Variants in ZMIZ1 observed in about 807,000 individuals in gnomAD.
The protein encoded by ZMIZ1 is zinc finger MIZ domain-containing protein 1.
In ZMIZ1, 17 loss-of-function variants were observed where a neutral mutation model predicts 113.9. The observed-to-expected ratio is 0.15, with a 90% CI of 0.10 to 0.22. The LOEUF (loss-of-function observed/expected upper bound fraction) is 0.22, where lower values mean the gene tolerates loss of function less well. Ranked by LOEUF, ZMIZ1 falls within the 10% of genes least tolerant of loss-of-function variation. The probability of loss-of-function intolerance (pLI) is 1.00; values close to 1 mark genes in which losing one functional copy is unlikely to be tolerated. For synonymous variants in ZMIZ1, 607 were observed against 603.1 expected, an observed-to-expected ratio of 1.01 and a Z score of -0.09; for missense variants, 1,059 against 1,477.8, an observed-to-expected ratio of 0.72 and a Z score of 4.65.
chr10:79,080,695 C>G (rs1444361556), intron 1 of ZMIZ1, among the ~76,000 whole-genome samples: 1 of 152,176 alleles, frequency 6.6e-6, no homozygotes, highest in East Asian at 1.9e-4. Context: ...AAAGAATGGC[C>G]TTCTGATTCC....
At chr10:79,131,714 T>C (rs1844781093) in intron 2 of ZMIZ1, among the ~76,000 whole-genome samples, 1 of 151,856 alleles carries the variant, frequency 6.6e-6, no homozygotes, top group Admixed American at 6.6e-5. Flanking sequence ...TGCTGCCCCC[T>C]GAGTTGGGGC....
In ZMIZ1 at chr10:79,314,949, TC is replaced by T. The variant is rs1683169605; in HGVS notation, c.*2201del. The T allele has an allele frequency of 6.5e-6, 1 of 152,720 alleles. No homozygotes were observed. The highest frequency in any genetic ancestry group is 2.1e-4 in the South Asian group (1 of 4,838). The allele number at this position is 152,720 out of a possible 1,614,324, so 9.5% of individuals were successfully genotyped here. A position where few individuals can be genotyped will look rare whatever the true frequency, so the allele number is the denominator to read the frequency against. ...ACTTACAGATGCCTTCCTTAGGAGT[TC>T]TTGCTTCTTGCGTTGATACTTTGCC... On this transcript the variant is annotated 3_prime_UTR_variant, in exon 25 of 25. Transcript: ENST00000334512.
At chr10:79,130,453 A>G (rs1230814696) in intron 2 of ZMIZ1, among the ~76,000 whole-genome samples, 1 of 152,184 alleles carries the variant, frequency 6.6e-6, no homozygotes, top group African/African-American at 2.4e-5. Flanking sequence ...AGCTGCAGCC[A>G]GGTGCCAAAT....
chr10:79,197,587 C>T (rs117580116), intron 4 of ZMIZ1, among the ~76,000 whole-genome samples: 150 of 143,306 alleles, frequency 1.0e-3, no homozygotes, highest in African/African-American at 3.6e-3. Flanking sequence ...CCCTGCCAAC[C>T]CAGACCATAC....
At chr10:79,243,288 G>T (rs1433098455) in intron 7 of ZMIZ1, among the ~76,000 whole-genome samples, 1 of 150,360 alleles carries the variant, frequency 6.7e-6, no homozygotes, top group Non-Finnish European at 1.5e-5. Context: ...CGCGCCCCCG[G>T]CCCATCCCCG....
intron 1 of ZMIZ1, among the ~76,000 whole-genome samples, chr10:79,104,420 A>G (rs866688141): frequency 3.9e-5 from 6 of 152,180 alleles, no homozygotes; most frequent in Non-Finnish European, 8.8e-5. Context: ...CCAGATTACC[A>G]TATAAGCCAT....
chr10:79,297,498 G>A, intron 13 of ZMIZ1, 115 bp from the exon 14 acceptor site: 1 of 862,142 alleles, frequency 1.2e-6, no homozygotes, highest in South Asian at 1.4e-5. Context: ...ACCCAGCAGT[G>A]GATGGGCCCC....
chr10:79,216,975 A>G (rs1848757330), intron 7 of ZMIZ1, among the ~76,000 whole-genome samples: 1 of 152,180 alleles, frequency 6.6e-6, no homozygotes. Context: ...CCATCCTCAT[A>G]ACCTGGCTTA....
At chr10:79,137,316 A>G (rs1302722957) in intron 2 of ZMIZ1, among the ~76,000 whole-genome samples, 1 of 152,186 alleles carries the variant, frequency 6.6e-6, no homozygotes, top group African/African-American at 2.4e-5. Flanking sequence ...CACACCCCAG[A>G]TGGAGGGAGC....
chr10:79,166,929 G>T (rs1448950744), intron 4 of ZMIZ1, among the ~76,000 whole-genome samples: 2 of 152,208 alleles, frequency 1.3e-5, no homozygotes, highest in Admixed American at 1.3e-4. Context: ...CAAAGTCACC[G>T]CCATCTGGCC....
chr10:79,183,853 G>T (rs1013371926), intron 4 of ZMIZ1, among the ~76,000 whole-genome samples: 2 of 152,130 alleles, frequency 1.3e-5, no homozygotes, highest in African/African-American at 4.8e-5. Flanking sequence ...ACCAGTTAAG[G>T]GCTGGGTTTT....
chr10:79,252,181 C>T (rs1850590699), intron 7 of ZMIZ1, among the ~76,000 whole-genome samples: 1 of 151,928 alleles, frequency 6.6e-6, no homozygotes, highest in South Asian at 2.1e-4. Context: ...GAGGCAGGCT[C>T]CTGCAGGCTC....
At chr10:79,112,541 T>C (rs753746878) in intron 1 of ZMIZ1, among the ~76,000 whole-genome samples, 3 of 152,102 alleles carry the variant, frequency 2.0e-5, no homozygotes, top group Non-Finnish European at 2.9e-5. Flanking sequence ...CCCTGTAATA[T>C]CAGCATGGCT....
Position 79,300,905 on chromosome 10 carries a change from G to A in ZMIZ1, c.1982G>A (p.Arg661His), listed in dbSNP as rs772020195. ...CTGAAGCACGTGTGCCAGCCGGGCCGCAACACCATCCAGATCACCGTCACG... is the reference window on the plus strand; with the variant it reads ...CTGAAGCACGTGTGCCAGCCGGGCCACAACACCATCCAGATCACCGTCACG... The part of the protein sequence containing the change: ...LHLKHVCQPG[R>H]NTIQITVTAC... The change falls in exon 17 of 25, where the codon CGC becomes CAC. Residue 661 changes from arginine to histidine, a missense_variant. By Grantham distance (29) the Arg-to-His change is conservative. Around this residue, in one of 6 missense-constraint regions of ZMIZ1, gnomAD observed 217 missense variants for 426.9 expected, o/e 0.51. Coordinates refer to ENST00000334512, the MANE Select transcript of ZMIZ1 (RefSeq NM_020338.4). 4 of 1,612,276 alleles carry A rather than the reference G, an allele frequency of 2.5e-6. No homozygotes were observed. The highest frequency in any genetic ancestry group is 3.4e-6 in the Non-Finnish European group (4 of 1,179,962).
In ZMIZ1 at chr10:79,197,847, T is replaced by TCGAC. The variant is rs538455476; in HGVS notation, c.-49-3736_-49-3735insGACC. On this transcript the variant is annotated intron_variant, in intron 4 of 24. Transcript: ENST00000334512. ...CTCATAGGAGGAGCTCAGCACATGG[T>TCGAC]CATCTAGTAGGTAAATGTGGGCTTG... 3.0e-4 allele frequency among the ~76,000 whole-genome samples: 45 copies of TCGAC among 152,196 alleles called. 1 individual carries two copies. In the South Asian group the frequency reaches 9.3e-3, roughly 32 times the overall value.
chr10:79,106,776 C>T (rs1196807209), intron 1 of ZMIZ1, among the ~76,000 whole-genome samples: 1 of 152,198 alleles, frequency 6.6e-6, no homozygotes, highest in East Asian at 1.9e-4. Context: ...CAAGAATGAT[C>T]GACAAATGGG....
At position 79,070,029 on chromosome 10, in the gene ZMIZ1, A is replaced by G. The variant is rs1297804123; in HGVS notation, c.-337+759A>G. 4.0e-5 allele frequency among the ~76,000 whole-genome samples: 6 copies of G among 151,862 alleles called. 1 individual carries two copies. The East Asian group carries it at 1.2e-3, about 30-fold the overall frequency. On this transcript the variant is annotated intron_variant, in intron 1 of 24. Coordinates refer to ENST00000334512, the MANE Select transcript of ZMIZ1 (RefSeq NM_020338.4). ...CGTGTGTGTGCGCGCGCGCGTTGCA[A>G]ATACGAAAGTAATTTCCCCGTGTTC...
At chr10:79,130,847 T>C (rs547479189) in intron 2 of ZMIZ1, among the ~76,000 whole-genome samples, 1 of 152,218 alleles carries the variant, frequency 6.6e-6, no homozygotes, top group East Asian at 1.9e-4. Flanking sequence ...TAAAGTGAGC[T>C]CCCATCAGTC....
chr10:79,269,409 T>A (rs1564567450), intron 7 of ZMIZ1, among the ~76,000 whole-genome samples: 1 of 150,500 alleles, frequency 6.6e-6, no homozygotes, highest in East Asian at 2.0e-4. Flanking sequence ...GCCCCATCCC[T>A]GGGGGTCTCC....
Sources: gnomAD v4.1 joint callset for allele counts (sites outside exome capture counted in the v4.1 genomes callset) on GRCh38, gnomAD v4.1.1 for gene constraint, gnomAD v4.1.1 regional missense constraint, MANE v1.5 for transcripts, NCBI Gene and HGNC (gene_info 2026-07-23, HGNC 2026-07-21) for gene names.